Variants in HIBCH observed in about 807,000 individuals in gnomAD.
The protein encoded by HIBCH is 3-hydroxyisobutyryl-CoA hydrolase, mitochondrial.
A neutral mutation model predicts 58.2 loss-of-function variants in HIBCH; 50 were observed. The observed-to-expected ratio is 0.86, with a 90% confidence interval of 0.68 to 1.09. The LOEUF is 1.09. Among genes scored for constraint, HIBCH ranks in the 50% least tolerant of loss-of-function variants. The pLI is 0.00. For synonymous variants in HIBCH, 151 were observed against 146.9 expected, an observed-to-expected ratio of 1.03 and a Z score of -0.20; for missense variants, 450 against 449.7, an observed-to-expected ratio of 1.00 and a Z score of -0.01.
At chr2:190,269,997 C>T (rs1361929289) in intron 6 of HIBCH, among the ~76,000 whole-genome samples, 1 of 151,982 alleles carries the variant, frequency 6.6e-6, no homozygotes, top group African/African-American at 2.4e-5. Context: ...TGTATGTTCT[C>T]ATAAGTGGGA....
At chr2:190,232,202 T>A (rs28887221) in intron 11 of HIBCH, among the ~76,000 whole-genome samples, 40,224 of 151,656 alleles carry the variant, frequency 0.27, 5,717 homozygotes, top group East Asian at 0.45. Flanking sequence ...CTCAAAAAAA[T>A]TTTTTTTAAT....
At chr2:190,224,210 G>A (rs1312531263) in intron 11 of HIBCH, among the ~76,000 whole-genome samples, 1 of 152,200 alleles carries the variant, frequency 6.6e-6, no homozygotes, top group African/African-American at 2.4e-5. Context: ...CTGGGGAAGG[G>A]GCGTCGGCCA....
At chr2:190,223,159 T>C (rs895505047) in intron 11 of HIBCH, among the ~76,000 whole-genome samples, 1 of 152,082 alleles carries the variant, frequency 6.6e-6, no homozygotes, top group Non-Finnish European at 1.5e-5. Context: ...TTAGGAGAAA[T>C]ACCTAATGTA....
rs1553502973 is a variant in HIBCH, at chr2:190,270,280, T to TA, written c.439-9047dup. ...TTAGTTATTACACCTTTTTTTTTTTTAAAAAAAAAGATATTTAAGGTTATT... is the reference window on the plus strand; with the variant it reads ...TTAGTTATTACACCTTTTTTTTTTTTAAAAAAAAAAGATATTTAAGGTTATT... On this transcript the variant is annotated intron_variant, in intron 6 of 13. Coordinates refer to ENST00000359678, the MANE Select transcript of HIBCH (RefSeq NM_014362.4). 3.0e-3 allele frequency among the ~76,000 whole-genome samples: 452 copies of TA among 148,350 alleles called. 1 individual carries two copies. Among genetic ancestry groups the TA allele is most frequent in the African/African-American group, 0.011 (437 of 40,220 alleles).
At position 190,315,746 on chromosome 2, in the gene HIBCH, G is replaced by T. The variant is rs1402318639; in HGVS notation, c.35+3970C>A. On this transcript the variant is annotated intron_variant, in intron 1 of 13. Transcript: ENST00000359678. This position sits in a 1 kb window ranked among gnomAD's most constrained non-coding sequence, Gnocchi z 5.4. ...AGAACAGCAGATGTGGAAACAGAAG[G>T]GAGTGATATTATTAAGAGTTTTTAT... Among the ~76,000 whole-genome samples, 2 of 152,100 alleles carry T rather than the reference G, an allele frequency of 1.3e-5. No individual in the cohort carries two copies. Among genetic ancestry groups the T allele is most frequent in the Admixed American group, 6.6e-5 (1 of 15,262 alleles).
chr2:190,313,551 T>C (rs762767215), intron 1 of HIBCH, among the ~76,000 whole-genome samples: 2 of 150,308 alleles, frequency 1.3e-5, no homozygotes, highest in Non-Finnish European at 2.9e-5. Flanking sequence ...ACACCACTTA[T>C]CTAACAATTT....
At chr2:190,287,489 T>C in intron 6 of HIBCH, 97 bp downstream of exon 6, 1 of 816,910 alleles carries the variant, frequency 1.2e-6, no homozygotes, top group South Asian at 1.5e-5. Context: ...ATGAGTTCTA[T>C]TATATTACAT....
Position 190,281,339 on chromosome 2 carries a change from C to T in HIBCH, c.438+6247G>A, listed in dbSNP as rs1687699668. 6.6e-6 allele frequency among the ~76,000 whole-genome samples: 1 copy of T among 152,150 alleles called. No homozygotes were observed. The highest frequency in any genetic ancestry group is 2.1e-4 in the South Asian group (1 of 4,822). ...TTATGGCTTATATCTTCTGGAGCTG[C>T]AGGTCAAGCTGTACCTGGGGCACTT... On this transcript the variant is annotated intron_variant, in intron 6 of 13. Transcript: ENST00000359678. This position sits in a 1 kb window ranked among gnomAD's most constrained non-coding sequence, Gnocchi z 5.4.
intron 6 of HIBCH, among the ~76,000 whole-genome samples, chr2:190,268,798 G>A (rs561881375): frequency 2.6e-5 from 4 of 152,236 alleles, no homozygotes; most frequent in African/African-American, 9.6e-5. Context: ...CATGCCCAGA[G>A]TAGCCCAATA....
At chr2:190,302,196 C>T (rs1320191223) in intron 2 of HIBCH, among the ~76,000 whole-genome samples, 1 of 152,196 alleles carries the variant, frequency 6.6e-6, no homozygotes, top group Non-Finnish European at 1.5e-5. Flanking sequence ...GAAACACAGC[C>T]TCTGGCAGAA....
chr2:190,311,103 A>G (rs1688543634), intron 1 of HIBCH: 1 of 518,572 alleles, frequency 1.9e-6, no homozygotes, highest in Admixed American at 2.8e-5. Context: ...CATGAAAAAA[A>G]GAAAAGAGCT....
At chr2:190,300,369 A>C (rs1277085392) in intron 2 of HIBCH, among the ~76,000 whole-genome samples, 1 of 151,152 alleles carries the variant, frequency 6.6e-6, no homozygotes, top group Non-Finnish European at 1.5e-5. Flanking sequence ...GACTGGTGTG[A>C]GATGGTATCT....
At chr2:190,272,414 T>C (rs1469379533) in intron 6 of HIBCH, among the ~76,000 whole-genome samples, 1 of 152,210 alleles carries the variant, frequency 6.6e-6, no homozygotes, top group Non-Finnish European at 1.5e-5. Flanking sequence ...GAGCTCGTTT[T>C]ATGGGCAAAG....
chr2:190,244,292 C>T (rs1440801041), intron 11 of HIBCH, among the ~76,000 whole-genome samples: 5 of 152,128 alleles, frequency 3.3e-5, no homozygotes, highest in African/African-American at 4.8e-5. Flanking sequence ...TAGAGGTCCA[C>T]GAATGTCAAT....
At chr2:190,316,932 T>C (rs1388614944) in intron 1 of HIBCH, among the ~76,000 whole-genome samples, 12 of 152,178 alleles carry the variant, frequency 7.9e-5, no homozygotes, top group Admixed American at 7.9e-4. Context: ...ATTTCTATTT[T>C]TAGAGACTAG....
At chr2:190,222,604 T>C (rs539663930) in intron 11 of HIBCH, among the ~76,000 whole-genome samples, 136 of 152,206 alleles carry the variant, frequency 8.9e-4, no homozygotes, top group African/African-American at 2.6e-3. Context: ...TGGCGATCAT[T>C]AAAAAGTCAG....
At chr2:190,261,052 T>A in intron 7 of HIBCH, 104 bp downstream of exon 7, 1 of 832,020 alleles carries the variant, frequency 1.2e-6, no homozygotes, top group Non-Finnish European at 2.0e-6. Flanking sequence ...CATTGTTGCA[T>A]CTCACACAAG....
chr2:190,283,851 C>T (rs560465271), intron 6 of HIBCH, among the ~76,000 whole-genome samples: 11 of 152,270 alleles, frequency 7.2e-5, no homozygotes, highest in Admixed American at 3.9e-4. Flanking sequence ...CTCAATTCTC[C>T]CAAGGATGGT....
intron 11 of HIBCH, among the ~76,000 whole-genome samples, chr2:190,226,595 C>CAAA (rs752856547): frequency 1.4e-4 from 4 of 29,376 alleles, no homozygotes; most frequent in African/African-American, 3.0e-4. Flanking sequence ...AACTCCGTCT[C>CAAA]AAAAAAAAAA....
Sources: allele counts gnomAD v4.1 joint callset (sites outside exome capture counted in the v4.1 genomes callset), GRCh38; gene constraint gnomAD v4.1.1; non-coding constraint Gnocchi (gnomAD v3.1); transcripts MANE v1.5; gene names NCBI Gene and HGNC (gene_info 2026-07-23, HGNC 2026-07-21).